SLC9B1: variants seen among roughly 807,000 people sequenced by gnomAD.
SLC9B1 encodes solute carrier family 9 member B1.
Under a neutral mutation model 51.7 loss-of-function variants are expected in SLC9B1, and 32 were observed. The ratio of observed to expected loss-of-function variants is 0.62; its 90% CI spans 0.47 to 0.83. The LOEUF is 0.83. SLC9B1 is among the 40% of genes least tolerant of loss of function. SLC9B1 has a pLI of 0.00. For missense variants in SLC9B1, 406 were observed against 613.2 expected (o/e 0.66, Z 3.57); for synonymous variants, 145 against 212.7 (o/e 0.68, Z 2.77).
rs181016856 is a variant in SLC9B1 at position 102,963,857 on chromosome 4, A to T, written c.212-14430T>A. Among the ~76,000 whole-genome samples the T allele has an allele frequency of 3.6e-3, 547 of 152,332 alleles. 1 individual carries two copies. The highest frequency in any genetic ancestry group is 6.2e-3 in the Non-Finnish European group (425 of 68,020). ...ATAGCTTTAAAAACAGAAAGAAAAAATAATCTAAAATTGGTAATTAAAACT... is the reference window on the plus strand; with the variant it reads ...ATAGCTTTAAAAACAGAAAGAAAAATTAATCTAAAATTGGTAATTAAAACT... On this transcript the variant is annotated intron_variant, in intron 3 of 11. Transcript: ENST00000296422.
intron 1 of SLC9B1, among the ~76,000 whole-genome samples, chr4:102,996,671 A>G (rs1740238482): frequency 6.6e-6 from 1 of 152,208 alleles, no homozygotes; most frequent in South Asian, 2.1e-4. Context: ...TATACATTGT[A>G]TTGCAATGCC....
chr4:103,008,282 T>C (rs939798677), intron 1 of SLC9B1, among the ~76,000 whole-genome samples: 15 of 152,356 alleles, frequency 9.8e-5, no homozygotes, highest in African/African-American at 3.6e-4. Context: ...TTCAAAATAG[T>C]GAAAAATTTT....
intron 6 of SLC9B1, among the ~76,000 whole-genome samples, chr4:102,942,699 T>C (rs1218076929): frequency 2.0e-5 from 3 of 152,088 alleles, no homozygotes; most frequent in African/African-American, 4.8e-5. Flanking sequence ...AAGACTTAAA[T>C]CTAACACCTG....
intron 3 of SLC9B1, among the ~76,000 whole-genome samples, chr4:102,967,930 C>A (rs959687370): frequency 6.6e-6 from 1 of 152,086 alleles, no homozygotes; most frequent in African/African-American, 2.4e-5. Flanking sequence ...TGTTAGATGT[C>A]AATTGATCTA....
chr4:102,982,878 C>A (rs1343138775), intron 3 of SLC9B1, among the ~76,000 whole-genome samples: 1 of 151,990 alleles, frequency 6.6e-6, no homozygotes, highest in Non-Finnish European at 1.5e-5. Flanking sequence ...CTTTTATTTA[C>A]TTTCCTTGTC....
chr4:102,924,355 C>T (rs565055944), intron 7 of SLC9B1, among the ~76,000 whole-genome samples: 11 of 152,080 alleles, frequency 7.2e-5, no homozygotes, highest in Admixed American at 2.6e-4. Context: ...GCTAGCAATA[C>T]GTAGAAAACT....
At chr4:102,975,299 G>A (rs915504430) in intron 3 of SLC9B1, among the ~76,000 whole-genome samples, 3 of 152,128 alleles carry the variant, frequency 2.0e-5, no homozygotes, top group Non-Finnish European at 2.9e-5. Context: ...ATCAGCCACG[G>A]CACCTGGCCT....
chr4:102,976,755 A>T (rs1463851991), intron 3 of SLC9B1, among the ~76,000 whole-genome samples: 1 of 152,208 alleles, frequency 6.6e-6, no homozygotes, highest in East Asian at 1.9e-4. Context: ...GTCCGGATGA[A>T]GTGAGATATT....
intron 6 of SLC9B1, 125 bp from the exon 7 acceptor site, chr4:102,932,424 T>C (rs1190783164): frequency 2.3e-6 from 2 of 862,068 alleles, no homozygotes; most frequent in Non-Finnish European, 3.6e-6. Flanking sequence ...TTTGAGTGAA[T>C]GCAATTTAAT....
At chr4:102,950,379 C>A (rs1430962779) in intron 3 of SLC9B1, among the ~76,000 whole-genome samples, 1 of 152,122 alleles carries the variant, frequency 6.6e-6, no homozygotes, top group Non-Finnish European at 1.5e-5. Flanking sequence ...TTGTTTCTGG[C>A]AACTAGGTGC....
At chr4:102,931,810 A>G (rs1192549593) in intron 7 of SLC9B1, among the ~76,000 whole-genome samples, 1 of 152,260 alleles carries the variant, frequency 6.6e-6, no homozygotes, top group Non-Finnish European at 1.5e-5. Context: ...AGTAGTACAA[A>G]TAATACCGCT....
At chr4:102,987,531 T>C in intron 3 of SLC9B1, among the ~76,000 whole-genome samples, 1 of 152,128 alleles carries the variant, frequency 6.6e-6, no homozygotes, top group African/African-American at 2.4e-5. Context: ...TAGGCTCTGA[T>C]AAAAACATGT....
chr4:102,921,175 G>C (rs1735855646), intron 7 of SLC9B1, among the ~76,000 whole-genome samples: 1 of 152,156 alleles, frequency 6.6e-6, no homozygotes, highest in African/African-American at 2.4e-5. Flanking sequence ...GGTCAGGTTA[G>C]CCAGAAAGGG....
At position 102,989,816 on chromosome 4, in the gene SLC9B1, A is replaced by C; in HGVS notation, c.195T>G (p.Asn65Lys). Residue 65 changes from asparagine to lysine, a missense_variant, in exon 3 of 12, where the codon AAT becomes AAG. Physicochemically the swap from Asn to Lys is moderately conservative, Grantham distance 94 (BLOSUM62 0). Around this residue, in one of 6 missense-constraint regions of SLC9B1, gnomAD observed 108 missense variants for 94.5 expected, o/e 1.14. Transcript: ENST00000296422. ...YISCPLRGVLNVIITNGVILF... is the reference protein window; with the variant it reads ...YISCPLRGVLKVIITNGVILF... ...TTCACATACCATTTGTAATAATTACATTCAATACTCCTCTTAGAGGACAAG... is the reference window on the plus strand; with the variant it reads ...TTCACATACCATTTGTAATAATTACCTTCAATACTCCTCTTAGAGGACAAG... 6.3e-7 allele frequency: 1 copy of C among 1,584,278 alleles called. No homozygotes were observed.
At chr4:103,002,043 C>T (rs1740550612) in intron 1 of SLC9B1, among the ~76,000 whole-genome samples, 1 of 152,170 alleles carries the variant, frequency 6.6e-6, no homozygotes, top group South Asian at 2.1e-4. Flanking sequence ...TATCAGATCT[C>T]ATGAGAATTC....
At chr4:102,939,605 G>C (rs1736889712) in intron 6 of SLC9B1, among the ~76,000 whole-genome samples, 1 of 151,904 alleles carries the variant, frequency 6.6e-6, no homozygotes, top group African/African-American at 2.4e-5. Context: ...CAACAAAAAA[G>C]AAAACTTCAG....
chr4:102,969,824 G>A (rs894640605), intron 3 of SLC9B1, among the ~76,000 whole-genome samples: 6 of 152,268 alleles, frequency 3.9e-5, no homozygotes, highest in South Asian at 2.1e-4. Flanking sequence ...ACCATGGCAT[G>A]AGAACTACAT....
chr4:102,945,734 T>C (rs1737234402), intron 5 of SLC9B1, among the ~76,000 whole-genome samples: 1 of 152,112 alleles, frequency 6.6e-6, no homozygotes, highest in South Asian at 2.1e-4. Flanking sequence ...AAAAACTGCA[T>C]AATTCATTTT....
intron 3 of SLC9B1, among the ~76,000 whole-genome samples, chr4:102,975,239 C>T (rs1738994080): frequency 6.6e-6 from 1 of 152,120 alleles, no homozygotes; most frequent in South Asian, 2.1e-4. Context: ...AAACTCTTGG[C>T]TTCAAATGAT....
Sources: gnomAD v4.1 joint callset for allele counts (sites outside exome capture counted in the v4.1 genomes callset) on GRCh38, gnomAD v4.1.1 for gene constraint, gnomAD v4.1.1 regional missense constraint, MANE v1.5 for transcripts, NCBI Gene and HGNC (gene_info 2026-07-23, HGNC 2026-07-21) for gene names.